The following SPEF2 variants were observed in gnomAD, a reference collection of about 807,000 sequenced individuals.
The protein encoded by SPEF2 is sperm flagellar and cilia associated 2, also known as sperm flagella and cilia-associated protein 2.
A neutral mutation model predicts 224.6 loss-of-function variants in SPEF2; 187 were observed. The ratio of observed to expected loss-of-function variants is 0.83; its 90% CI spans 0.74 to 0.94. The LOEUF (loss-of-function observed/expected upper bound fraction) is 0.94, where lower values mean the gene tolerates loss of function less well. SPEF2 is among the 40% of genes least tolerant of loss of function. SPEF2 has a pLI of 0.00. For missense variants in SPEF2, 2,170 were observed against 2,135.6 expected (o/e 1.02, Z -0.32); for synonymous variants, 715 against 707.3 (o/e 1.01, Z -0.17).
intron 10 of SPEF2, among the ~76,000 whole-genome samples, chr5:35,676,882 C>A (rs1164073134): frequency 6.6e-6 from 1 of 152,258 alleles, no homozygotes; most frequent in South Asian, 2.1e-4. Context: ...CATAAACTCT[C>A]CCACCTAAAA....
rs142929009 is a variant in SPEF2, at chr5:35,712,690, T to G, written c.2840-122T>G. 1,041 of 916,660 alleles carry G rather than the reference T, an allele frequency of 1.1e-3. 8 individuals are homozygous for G. The African/African-American group carries it at 0.016, about 14-fold the overall frequency. The allele number at this position is 916,660 out of a possible 1,614,324, so 56.8% of individuals were successfully genotyped here. ...AACTCAAAGTAAAAACCTGAGCCAT[T>G]TTATGCAGTTCACAAATGTAACTGT... On this transcript the variant is annotated intron_variant, in intron 19 of 36. Coordinates refer to ENST00000356031, the MANE Select transcript of SPEF2 (RefSeq NM_024867.4).
chr5:35,792,462 G>A lies in SPEF2; in HGVS notation c.4554+16G>A, dbSNP rs1462758899. 1 of 1,604,598 alleles carries A rather than the reference G, an allele frequency of 6.2e-7. No homozygotes were observed. Among genetic ancestry groups the A allele is most frequent in the East Asian group, 2.2e-5 (1 of 44,758 alleles). ...CCAACCTGAAGTAAGCTTCTATGTT[G>A]TTTGAGTTGTAAAGCTTTAAGCATT... is the stretch of plus-strand genomic sequence containing the variant. On this transcript the variant is annotated intron_variant, in intron 31 of 36. Transcript: ENST00000356031.
chr5:35,797,370 T>C (rs1309629951), intron 33 of SPEF2, among the ~76,000 whole-genome samples: 3 of 133,158 alleles, frequency 2.3e-5, no homozygotes, highest in African/African-American at 8.3e-5. Context: ...GTGATGTCCA[T>C]ATGACAGAAA....
At chr5:35,795,006 C>A (rs1188019725) in intron 32 of SPEF2, among the ~76,000 whole-genome samples, 1 of 152,056 alleles carries the variant, frequency 6.6e-6, no homozygotes, top group African/African-American at 2.4e-5. Context: ...CAGCTCATTG[C>A]CCCTCCCCCC....
At chr5:35,792,013 A>AT (rs1239779106) in intron 30 of SPEF2, among the ~76,000 whole-genome samples, 3 of 152,138 alleles carry the variant, frequency 2.0e-5, no homozygotes, top group East Asian at 1.9e-4. Context: ...AATCATATAT[A>AT]TTTTTTAAAA....
intron 1 of SPEF2, 48 bp downstream of exon 1, chr5:35,618,103 C>G: frequency 1.3e-6 from 2 of 1,544,612 alleles, no homozygotes; most frequent in Non-Finnish European, 1.8e-6. Flanking sequence ...TAGCGGGGCG[C>G]AGAGCCTGCA....
chr5:35,671,971 A>G (rs1185484670), intron 10 of SPEF2, among the ~76,000 whole-genome samples: 2 of 151,966 alleles, frequency 1.3e-5, no homozygotes, highest in Non-Finnish European at 2.9e-5. Flanking sequence ...ACTGTAAACT[A>G]TTATACTATC....
chr5:35,724,917 T>C (rs1744377261), intron 20 of SPEF2, among the ~76,000 whole-genome samples: 2 of 152,210 alleles, frequency 1.3e-5, no homozygotes, highest in African/African-American at 4.8e-5. Flanking sequence ...ATAAAGGTGC[T>C]AAAATTAGGT....
At chr5:35,706,300 GTT>G (rs1739753174) in intron 18 of SPEF2, among the ~76,000 whole-genome samples, 1 of 151,674 alleles carries the variant, frequency 6.6e-6, no homozygotes, top group Non-Finnish European at 1.5e-5. Context: ...TTTGTTATAA[GTT>G]TATTTATTAT....
rs751343824 is a variant in SPEF2 at position 35,659,037 on chromosome 5, C to T, written c.997C>T (p.Gln333Ter). The change falls in exon 8 of 37, where the codon CAG becomes TAG. Residue 333 changes from glutamine (Q) to a stop codon, truncating the protein, a stop_gained. Transcript: ENST00000356031. LOFTEE classifies it high-confidence loss of function. ...EAQEEAYREE[Q>*]LINRLMRQSQ... is the part of the protein sequence containing the mutation. ...TTTTCAGGAGGCTTATCGGGAGGAA[C>T]AGCTGATTAACCGGCTGATGCGGCA... is the stretch of plus-strand genomic sequence containing the variant. The T allele has an allele frequency of 1.1e-5, 17 of 1,573,292 alleles. No homozygotes were observed. The highest frequency in any genetic ancestry group is 1.8e-5 in the Admixed American group (1 of 54,820).
intron 34 of SPEF2, among the ~76,000 whole-genome samples, chr5:35,805,764 T>A (rs1757976268): frequency 6.6e-6 from 1 of 152,164 alleles, no homozygotes. Context: ...TCCATTTTCA[T>A]CAATAGAATA....
intron 1 of SPEF2, among the ~76,000 whole-genome samples, chr5:35,623,801 A>G (rs1743840650): frequency 6.6e-6 from 1 of 152,236 alleles, no homozygotes; most frequent in African/African-American, 2.4e-5. Flanking sequence ...TGTGTAATTA[A>G]TATGACCTGT....
intron 5 of SPEF2, among the ~76,000 whole-genome samples, chr5:35,647,009 A>G (rs551922193): frequency 3.3e-4 from 50 of 152,356 alleles, no homozygotes; most frequent in African/African-American, 1.1e-3. Flanking sequence ...CGAAGAATGT[A>G]GCTTTAGGCC....
At position 35,644,356 on chromosome 5, in the gene SPEF2, G is replaced by A; in HGVS notation, c.416G>A (p.Arg139Lys). 1 of 1,552,522 alleles carries A rather than the reference G, an allele frequency of 6.4e-7. No homozygotes were observed. Among genetic ancestry groups the A allele is most frequent in the Non-Finnish European group, 8.7e-7 (1 of 1,150,234 alleles). Residue 139 changes from arginine (R) to lysine (K), a missense_variant and splice_region_variant, in exon 4 of 37, where the codon AGA becomes AAA. Physicochemically the swap from Arg to Lys is conservative, Grantham distance 26. Coordinates refer to ENST00000356031, the MANE Select transcript of SPEF2 (RefSeq NM_024867.4). ...QNMKSDTFQERLRHMIPRQTD... is the reference protein window; with the variant it reads ...QNMKSDTFQEKLRHMIPRQTD... ...TTTTGAAATGCTTTTTTCATTTAGAGACTTAGACACATGATACCACGTCAA... is the reference window on the plus strand; with the variant it reads ...TTTTGAAATGCTTTTTTCATTTAGAAACTTAGACACATGATACCACGTCAA...
intron 21 of SPEF2, among the ~76,000 whole-genome samples, chr5:35,736,438 A>G (rs1353445053): frequency 6.6e-6 from 1 of 151,932 alleles, no homozygotes. Context: ...GAAAGCAGGC[A>G]CATATTAACT....
intron 20 of SPEF2, among the ~76,000 whole-genome samples, chr5:35,713,368 G>A (rs184460625): frequency 6.6e-6 from 1 of 152,150 alleles, no homozygotes; most frequent in East Asian, 1.9e-4. Flanking sequence ...ATTTTTAGTG[G>A]AACTCTTGAA....
chr5:35,725,822 T>C (rs969999245), intron 20 of SPEF2, among the ~76,000 whole-genome samples: 2 of 152,194 alleles, frequency 1.3e-5, no homozygotes, highest in African/African-American at 4.8e-5. Context: ...TGCAGTGCCA[T>C]GGGTTTCTGT....
chr5:35,706,126 A>G (rs758015810), intron 18 of SPEF2, among the ~76,000 whole-genome samples: 1 of 151,842 alleles, frequency 6.6e-6, no homozygotes, highest in African/African-American at 2.4e-5. Context: ...GATATTTGTA[A>G]TCTTTATTTG....
intron 20 of SPEF2, among the ~76,000 whole-genome samples, chr5:35,722,455 GT>G (rs34105107): frequency 0.75 from 111,081 of 148,796 alleles, 41,764 homozygotes; most frequent in Middle Eastern, 0.83. Context: ...ACAGTGAGAG[GT>G]TTTTTTTTGT....
Sources: gnomAD v4.1 joint callset for allele counts (sites outside exome capture counted in the v4.1 genomes callset) on GRCh38, gnomAD v4.1.1 for gene constraint, MANE v1.5 for transcripts, NCBI Gene and HGNC (gene_info 2026-07-23, HGNC 2026-07-21) for gene names.